Variants in GHR observed in about 807,000 individuals in gnomAD.
The protein encoded by GHR is growth hormone receptor.
GHR carries 35 observed loss-of-function variants against 67.1 expected under a neutral mutation model. The ratio of observed to expected loss-of-function variants is 0.52; its 90% confidence interval spans 0.40 to 0.69. The LOEUF is 0.69. Among genes scored for constraint, GHR ranks in the 30% least tolerant of loss-of-function variants. The probability of loss-of-function intolerance (pLI) is 0.00; values close to 1 mark genes in which losing one functional copy is unlikely to be tolerated. For synonymous variants in GHR, 272 were observed against 269.1 expected, an observed-to-expected ratio of 1.01 and a Z score of -0.10; for missense variants, 792 against 764.6, an observed-to-expected ratio of 1.04 and a Z score of -0.42.
chr5:42,632,299 C>A (rs1398484643), intron 3 of GHR, among the ~76,000 whole-genome samples: 1 of 152,140 alleles, frequency 6.6e-6, no homozygotes, highest in Non-Finnish European at 1.5e-5. Context: ...CAGTCCTGCC[C>A]ACCTTTAAGT....
At chr5:42,689,089 T>C in intron 4 of GHR, 70 bp downstream of exon 4, 1 of 1,296,300 alleles carries the variant, frequency 7.7e-7, no homozygotes, top group Non-Finnish European at 1.1e-6. Flanking sequence ...GAGTCAGATG[T>C]ACTGTGGGAA....
At chr5:42,659,141 A>G (rs1370196568) in intron 3 of GHR, 1 of 152,210 alleles carries the variant, frequency 6.6e-6, no homozygotes, top group Non-Finnish European at 1.5e-5. Flanking sequence ...CAAGTACTCT[A>G]TAATAATCTG....
At chr5:42,511,720 G>C (rs750762987) in intron 1 of GHR, among the ~76,000 whole-genome samples, 1 of 151,984 alleles carries the variant, frequency 6.6e-6, no homozygotes, top group Non-Finnish European at 1.5e-5. Flanking sequence ...GTGTGAAAGA[G>C]GAGAATGACT....
chr5:42,524,721 T>A (rs979797984), intron 1 of GHR, among the ~76,000 whole-genome samples: 1 of 151,844 alleles, frequency 6.6e-6, no homozygotes, highest in African/African-American at 2.4e-5. Context: ...GGAGGAAAAA[T>A]TGTTTTTCTG....
At chr5:42,717,952 A>C in intron 8 of GHR, 100 bp from the exon 9 acceptor site, 1 of 710,480 alleles carries the variant, frequency 1.4e-6, no homozygotes, top group Non-Finnish European at 2.6e-6. Flanking sequence ...AATATTTGGA[A>C]AAAGTAATAG....
intron 1 of GHR, among the ~76,000 whole-genome samples, chr5:42,449,489 A>C (rs2111992415): frequency 6.6e-6 from 1 of 152,252 alleles, no homozygotes; most frequent in African/African-American, 2.4e-5. Flanking sequence ...TTGATTTTTG[A>C]TCCTGAAACT....
chr5:42,696,646 T>C (rs569693967), intron 5 of GHR, among the ~76,000 whole-genome samples: 12 of 152,218 alleles, frequency 7.9e-5, no homozygotes, highest in Non-Finnish European at 1.6e-4. Context: ...CCTAGTCAGC[T>C]GGAGAAATCA....
At chr5:42,597,798 T>C (rs1752158120) in intron 2 of GHR, among the ~76,000 whole-genome samples, 1 of 152,172 alleles carries the variant, frequency 6.6e-6, no homozygotes, top group African/African-American at 2.4e-5. Flanking sequence ...TCTCCTGCCA[T>C]ATCCACTACT....
At chr5:42,683,013 T>A (rs540713623) in intron 3 of GHR, among the ~76,000 whole-genome samples, 409 of 151,548 alleles carry the variant, frequency 2.7e-3, no homozygotes, top group African/African-American at 7.9e-3. Flanking sequence ...TTTTATATAT[T>A]TTTTTTTGAG....
intron 1 of GHR, among the ~76,000 whole-genome samples, chr5:42,484,784 A>G (rs1729359866): frequency 1.3e-5 from 2 of 152,202 alleles, no homozygotes; most frequent in Admixed American, 1.3e-4. Context: ...ATTGTAGTGT[A>G]TTCTTCCTTT....
intron 1 of GHR, among the ~76,000 whole-genome samples, chr5:42,559,493 C>T (rs1191295692): frequency 2.6e-5 from 4 of 152,188 alleles, no homozygotes; most frequent in Admixed American, 2.0e-4. Context: ...CTGCAGTGAG[C>T]TATGATTATG....
intron 1 of GHR, among the ~76,000 whole-genome samples, chr5:42,541,182 T>C (rs2112378975): frequency 6.6e-6 from 1 of 152,290 alleles, no homozygotes; most frequent in Non-Finnish European, 1.5e-5. Flanking sequence ...GTTGACAATC[T>C]AGTTAGAGAA....
chr5:42,536,524 A>G (rs950576857), intron 1 of GHR, among the ~76,000 whole-genome samples: 1 of 152,152 alleles, frequency 6.6e-6, no homozygotes. Flanking sequence ...CCACTTGGTC[A>G]TGGTGGATTA....
At chr5:42,472,659 G>T (rs193096883) in intron 1 of GHR, among the ~76,000 whole-genome samples, 1 of 152,306 alleles carries the variant, frequency 6.6e-6, no homozygotes, top group East Asian at 1.9e-4. Flanking sequence ...GTGGATGGGT[G>T]ACTAAGGCCT....
chr5:42,700,228 C>A (rs1757869307), intron 6 of GHR, among the ~76,000 whole-genome samples: 1 of 152,174 alleles, frequency 6.6e-6, no homozygotes, highest in African/African-American at 2.4e-5. Flanking sequence ...GAAAGGAAAA[C>A]TATTTCTCCA....
intron 2 of GHR, among the ~76,000 whole-genome samples, chr5:42,590,157 C>T (rs1260512026): frequency 6.6e-6 from 1 of 152,172 alleles, no homozygotes; most frequent in South Asian, 2.1e-4. Context: ...GCTCTTTACT[C>T]TCAATTATAG....
At chr5:42,555,385 T>C (rs921320133) in intron 1 of GHR, among the ~76,000 whole-genome samples, 2 of 152,232 alleles carry the variant, frequency 1.3e-5, no homozygotes, top group African/African-American at 4.8e-5. Flanking sequence ...CCTCTCTTTA[T>C]AATTCACATC....
intron 6 of GHR, among the ~76,000 whole-genome samples, chr5:42,704,157 GC>G (rs1257259276): frequency 2.0e-5 from 3 of 151,888 alleles, no homozygotes; most frequent in African/African-American, 7.2e-5. Flanking sequence ...TAGAAGAAAA[GC>G]TTTCCACATT....
At position 42,536,711 on chromosome 5, in the gene GHR, A is replaced by G. The variant is rs67012907; in HGVS notation, c.-11-29153A>G. On this transcript the variant is annotated intron_variant, in intron 1 of 9. Coordinates refer to ENST00000230882, the MANE Select transcript of GHR (RefSeq NM_000163.5). Reference sequence around the variant, plus strand: ...ATTAGGGAGGGTTCCCTCTTTCTCTATCTTGTGGAATAGCATCAAAAGGAT... The same window carrying G: ...ATTAGGGAGGGTTCCCTCTTTCTCTGTCTTGTGGAATAGCATCAAAAGGAT... Among the ~76,000 whole-genome samples the G allele has an allele frequency of 4.6e-3, 698 of 152,124 alleles. 9 individuals are homozygous for G. Among genetic ancestry groups the G allele is most frequent in the African/African-American group, 0.016 (672 of 41,518 alleles).
Sources: allele counts gnomAD v4.1 joint callset (sites outside exome capture counted in the v4.1 genomes callset), GRCh38; gene constraint gnomAD v4.1.1; transcripts MANE v1.5; gene names NCBI Gene and HGNC (gene_info 2026-07-23, HGNC 2026-07-21).